ESR2: variants seen among roughly 807,000 people sequenced by gnomAD.
ESR2 encodes estrogen receptor beta.
ESR2 carries 36 observed loss-of-function variants against 49.6 expected under a neutral mutation model. The ratio of observed to expected loss-of-function variants is 0.73; its 90% confidence interval spans 0.56 to 0.96. ESR2 has a LOEUF of 0.96. ESR2 is among the 40% of genes least tolerant of loss of function. ESR2 has a pLI of 0.00. For synonymous variants in ESR2, 320 were observed against 266.1 expected, an observed-to-expected ratio of 1.20 and a Z score of -1.97; for missense variants, 714 against 693.0, an observed-to-expected ratio of 1.03 and a Z score of -0.34.
Position 64,249,686 on chromosome 14 carries a change from A to T in ESR2, c.1092-7T>A, listed in dbSNP as rs1396777022. 6.2e-7 allele frequency: 1 copy of T among 1,603,086 alleles called. No homozygotes were observed. Among genetic ancestry groups the T allele is most frequent in the East Asian group, 2.2e-5 (1 of 44,644 alleles). On this transcript the variant is annotated splice_polypyrimidine_tract_variant and splice_region_variant and intron_variant, in intron 6 of 8. Coordinates refer to ENST00000341099, the MANE Select transcript of ESR2 (RefSeq NM_001437.3). ...TACGCATTTCCCCTCATCCCTACAA[A>T]AGTTCGTTTGGAAATTTAAGGAACA...
intron 1 of ESR2, among the ~76,000 whole-genome samples, chr14:64,317,327 G>C (rs764014756): frequency 5.9e-5 from 9 of 152,152 alleles, no homozygotes; most frequent in Non-Finnish European, 1.3e-4. Context: ...AGGTTTAATT[G>C]TCTCATAGTT....
intron 7 of ESR2, among the ~76,000 whole-genome samples, chr14:64,244,393 T>A (rs2140656752): frequency 7.3e-6 from 1 of 137,754 alleles, no homozygotes; most frequent in Admixed American, 7.1e-5. Context: ...AAGCAAGACT[T>A]CATCTCAAAA....
At chr14:64,284,034 C>A (rs1454693831) in intron 1 of ESR2, among the ~76,000 whole-genome samples, 3 of 151,082 alleles carry the variant, frequency 2.0e-5, no homozygotes, top group African/African-American at 7.3e-5. Context: ...TCTAGTGATT[C>A]TCCTGCCTCA....
chr14:64,261,226 ATTTTTCT>A (rs1353491100), intron 4 of ESR2, among the ~76,000 whole-genome samples: 2 of 70,748 alleles, frequency 2.8e-5, no homozygotes, highest in Admixed American at 1.5e-4. Flanking sequence ...TAATGCTTTT[ATTTTTCT>A]TTTTTCTTTT....
At chr14:64,310,286 A>AATAATAATAATAAT (rs2077170107) in intron 1 of ESR2, among the ~76,000 whole-genome samples, 3 of 142,468 alleles carry the variant, frequency 2.1e-5, no homozygotes, top group African/African-American at 7.9e-5. Context: ...TCGTCTCAAA[A>AATAATAATAATAAT]AATAATAATA....
rs369878556 is a variant in ESR2, at chr14:64,323,139, G to A, written c.-91+14759C>T. 2.7e-4 allele frequency among the ~76,000 whole-genome samples: 41 copies of A among 152,332 alleles called. No homozygotes were observed. In the East Asian group the frequency reaches 5.2e-3, roughly 19 times the overall value. On this transcript the variant is annotated intron_variant, in intron 1 of 8. Coordinates refer to the ESR2 transcript ENST00000358599. ...TGGTTACTGAGGTGACATGGGCAGA[G>A]AGAAAATTATTATTTCCTTTAAACT...
chr14:64,256,710 C>G (rs904711949), intron 6 of ESR2, among the ~76,000 whole-genome samples: 7 of 151,268 alleles, frequency 4.6e-5, no homozygotes, highest in African/African-American at 1.7e-4. Flanking sequence ...GCCTGAGCAA[C>G]AGAGAGAGAC....
chr14:64,235,230 G>A, intron 7 of ESR2, 80 bp from the exon 8 acceptor site: 1 of 1,461,534 alleles, frequency 6.8e-7, no homozygotes, highest in Non-Finnish European at 9.3e-7. Context: ...CCGTGCGCCT[G>A]CTCCGAGGTG....
chr14:64,286,503 T>C lies in ESR2; in HGVS notation c.-90-3428A>G, dbSNP rs140863874. Among the ~76,000 whole-genome samples, 3 of 152,200 alleles carry C rather than the reference T, an allele frequency of 2.0e-5. No individual in the cohort carries two copies. In the East Asian group the frequency reaches 5.8e-4, roughly 29 times the overall value. Reference sequence around the variant, plus strand: ...TTTTAGTAGAGATGGGGTTTCACCATGTTGACCAGCCTGGTCTTGAACTTC... The same window carrying C: ...TTTTAGTAGAGATGGGGTTTCACCACGTTGACCAGCCTGGTCTTGAACTTC... On this transcript the variant is annotated intron_variant, in intron 1 of 8. Transcript: ENST00000341099.
chr14:64,233,356 C>T lies in ESR2; in HGVS notation c.1407-33G>A. On this transcript the variant is annotated intron_variant, in intron 8 of 8. Coordinates refer to ENST00000341099, the MANE Select transcript of ESR2 (RefSeq NM_001437.3). ...GACAAAAAGGTGCTGAGATTCCCTCCTCCGAGGCAGCCACAGGAACCCCGA... is the reference window on the plus strand; with the variant it reads ...GACAAAAAGGTGCTGAGATTCCCTCTTCCGAGGCAGCCACAGGAACCCCGA... The T allele has an allele frequency of 2.5e-6, 4 of 1,589,896 alleles. No homozygotes were observed. The East Asian group carries it at 9.0e-5, about 36-fold the overall frequency.
At chr14:64,241,461 T>TGG (rs2075727578) in intron 7 of ESR2, among the ~76,000 whole-genome samples, 1 of 152,250 alleles carries the variant, frequency 6.6e-6, no homozygotes, top group African/African-American at 2.4e-5. Flanking sequence ...CACATGATTT[T>TGG]AAGAATCAGC....
intron 1 of ESR2, among the ~76,000 whole-genome samples, chr14:64,293,609 T>A (rs1486624924): frequency 6.6e-6 from 1 of 152,226 alleles, no homozygotes; most frequent in African/African-American, 2.4e-5. Flanking sequence ...CGCAGCTTGC[T>A]GACATGGCTA....
intron 7 of ESR2, among the ~76,000 whole-genome samples, chr14:64,243,845 G>A (rs766080489): frequency 6.6e-6 from 1 of 152,120 alleles, no homozygotes. Context: ...GGGCAGATTA[G>A]CACTCAGCTG....
intron 7 of ESR2, among the ~76,000 whole-genome samples, chr14:64,243,248 T>TA (rs1357721709): frequency 6.6e-6 from 1 of 152,210 alleles, no homozygotes; most frequent in Non-Finnish European, 1.5e-5. Flanking sequence ...ATTTATAGGT[T>TA]AAGTTTGCCA....
At chr14:64,319,886 AC>A (rs1213015290) in intron 1 of ESR2, among the ~76,000 whole-genome samples, 2 of 152,146 alleles carry the variant, frequency 1.3e-5, no homozygotes, top group African/African-American at 4.8e-5. Context: ...TTCTAACAAA[AC>A]TAAACATATT....
intron 1 of ESR2, among the ~76,000 whole-genome samples, chr14:64,311,644 G>GA (rs71123837): frequency 0.096 from 8,783 of 91,748 alleles, 399 homozygotes; most frequent in African/African-American, 0.1. Context: ...CTCCATCTCA[G>GA]AAAAAAAAAA....
At chr14:64,297,328 G>C (rs1360432286), upstream of ESR2, among the ~76,000 whole-genome samples, 1 of 152,200 alleles carries the variant, frequency 6.6e-6, no homozygotes, top group Non-Finnish European at 1.5e-5. Flanking sequence ...GGAAAGCAAA[G>C]GAAGTCAATG....
chr14:64,232,991 G>A lies in ESR2; in HGVS notation c.*146C>T. ...ACACCGACTCCTGAGAGTTGGGAAG[G>A]TGGAGGGAAGGATGGTACATGACCA... On this transcript the variant is annotated 3_prime_UTR_variant, in exon 9 of 9. Transcript: ENST00000341099. 1.4e-6 allele frequency: 2 copies of A among 1,402,116 alleles called. No homozygotes were observed. 86.9% of individuals were successfully genotyped at this position (1,402,116 alleles called of 1,614,324 possible). A position where few individuals can be genotyped will look rare whatever the true frequency, so the allele number is the denominator to read the frequency against.
chr14:64,274,665 T>G (rs2076521498), intron 3 of ESR2, among the ~76,000 whole-genome samples: 1 of 152,154 alleles, frequency 6.6e-6, no homozygotes, highest in African/African-American at 2.4e-5. Flanking sequence ...TGGCTTGCTC[T>G]TGCTTTTCTA....
Sources: allele counts gnomAD v4.1 joint callset (sites outside exome capture counted in the v4.1 genomes callset), GRCh38; gene constraint gnomAD v4.1.1; transcripts MANE v1.5; gene names NCBI Gene and HGNC (gene_info 2026-07-23, HGNC 2026-07-21).